ACYP2: variants seen among roughly 807,000 people sequenced by gnomAD.
ACYP2 encodes acylphosphatase 2.
A neutral mutation model predicts 11.2 loss-of-function variants in ACYP2; 12 were observed. That is an observed-to-expected ratio of 1.08 (90% CI 0.69 to 1.74). The LOEUF is 1.74. Ranked by LOEUF, ACYP2 falls within the 40% of genes most tolerant of loss-of-function variation. The pLI is 0.00. For synonymous variants in ACYP2, 43 were observed against 32.2 expected (o/e 1.33, Z -1.13); for missense variants, 134 against 101.9 (o/e 1.31, Z -1.35).
At chr2:53,999,462 A>G (rs1672708574) in intron 2 of ACYP2, among the ~76,000 whole-genome samples, 2 of 152,214 alleles carry the variant, frequency 1.3e-5, no homozygotes, top group Admixed American at 1.3e-4. Context: ...GAGGAACTTC[A>G]TGGGCTCTAT....
At chr2:54,143,568 G>T (rs961538783) in intron 6 of ACYP2, among the ~76,000 whole-genome samples, 14 of 151,948 alleles carry the variant, frequency 9.2e-5, no homozygotes, top group Admixed American at 6.6e-4. Flanking sequence ...CGAGTAGCTG[G>T]GATTACAGGC....
chr2:54,065,832 T>C (rs1299285270), intron 4 of ACYP2: 2 of 248,158 alleles, frequency 8.1e-6, no homozygotes, highest in Non-Finnish European at 1.5e-5. Flanking sequence ...GCTGAATAGA[T>C]TCTTGCCTAA....
At chr2:54,142,793 A>G (rs1029389535) in intron 6 of ACYP2, 1 of 152,226 alleles carries the variant, frequency 6.6e-6, no homozygotes, top group African/African-American at 2.4e-5. Flanking sequence ...CCATTTAAGA[A>G]CACACAGATG....
chr2:54,252,922 C>T lies in ACYP2; in HGVS notation c.405-51766C>T, dbSNP rs542770296. On this transcript the variant is annotated intron_variant, in intron 6 of 6. Transcript: ENST00000607452. ...CCGTCTCAAAAAAAAAAAAAATATG[C>T]CAATGGTATAATTCCAATTTCACAA... 3.9e-4 allele frequency among the ~76,000 whole-genome samples: 58 copies of T among 149,366 alleles called. No homozygotes were observed. The South Asian group carries it at 0.012, about 30-fold the overall frequency.
At chr2:54,116,426 A>T (rs1478896734) in intron 4 of ACYP2, among the ~76,000 whole-genome samples, 4 of 149,552 alleles carry the variant, frequency 2.7e-5, no homozygotes, top group Admixed American at 6.7e-5. Flanking sequence ...GGGAAATTTT[A>T]CTCATTTCTT....
intron 6 of ACYP2, among the ~76,000 whole-genome samples, chr2:54,244,955 A>G (rs1312738427): frequency 6.6e-6 from 1 of 152,158 alleles, no homozygotes; most frequent in Non-Finnish European, 1.5e-5. Context: ...TAGTCACCCT[A>G]TAGTGCTATA....
intron 4 of ACYP2, among the ~76,000 whole-genome samples, chr2:54,130,315 G>A (rs1192942146): frequency 1.3e-5 from 2 of 152,110 alleles, no homozygotes; most frequent in Admixed American, 6.6e-5. Flanking sequence ...AAGGCTAGGG[G>A]GCTTGGCATC....
chr2:54,054,603 G>A (rs1267474111), intron 3 of ACYP2, among the ~76,000 whole-genome samples: 1 of 152,180 alleles, frequency 6.6e-6, no homozygotes, highest in Non-Finnish European at 1.5e-5. Context: ...TAATTAAAGA[G>A]TGAAGCTGAG....
At chr2:54,053,678 C>A (rs1485347205) in intron 3 of ACYP2, among the ~76,000 whole-genome samples, 1 of 152,208 alleles carries the variant, frequency 6.6e-6, no homozygotes, top group Non-Finnish European at 1.5e-5. Flanking sequence ...TAGATTGTGA[C>A]CACACCTTCT....
chr2:54,046,856 A>T (rs529360008), intron 2 of ACYP2, among the ~76,000 whole-genome samples: 3 of 152,222 alleles, frequency 2.0e-5, no homozygotes, highest in Non-Finnish European at 4.4e-5. Context: ...CCTAATCAAA[A>T]GAGTGAACAT....
chr2:54,010,132 G>A (rs1360960465), intron 2 of ACYP2, among the ~76,000 whole-genome samples: 1 of 152,092 alleles, frequency 6.6e-6, no homozygotes, highest in African/African-American at 2.4e-5. Context: ...TGATATCCTA[G>A]GAAGGTGGAT....
chr2:54,239,122 G>A (rs1177946699), intron 6 of ACYP2, among the ~76,000 whole-genome samples: 1 of 152,140 alleles, frequency 6.6e-6, no homozygotes, highest in East Asian at 1.9e-4. Flanking sequence ...GGAATCCACA[G>A]TGTAGGTCAG....
intron 6 of ACYP2, among the ~76,000 whole-genome samples, chr2:54,272,666 G>C (rs983277473): frequency 6.6e-6 from 1 of 152,210 alleles, no homozygotes; most frequent in Non-Finnish European, 1.5e-5. Flanking sequence ...ATCCAATTTT[G>C]ACAGGCTGAC....
At chr2:53,995,485 A>ATTTTTTAT (rs1553350337) in intron 2 of ACYP2, among the ~76,000 whole-genome samples, 4 of 129,270 alleles carry the variant, frequency 3.1e-5, no homozygotes, top group Admixed American at 7.5e-5. Flanking sequence ...TTATTTATTT[A>ATTTTTTAT]TTTTTTATTT....
At chr2:54,168,175 A>AG (rs1683078433) in intron 6 of ACYP2, among the ~76,000 whole-genome samples, 1 of 152,204 alleles carries the variant, frequency 6.6e-6, no homozygotes, top group African/African-American at 2.4e-5. Flanking sequence ...CTGTAATCCC[A>AG]GCACTTTGGT....
At chr2:54,238,138 A>G (rs1572975835) in intron 6 of ACYP2, among the ~76,000 whole-genome samples, 1 of 152,156 alleles carries the variant, frequency 6.6e-6, no homozygotes, top group South Asian at 2.1e-4. Context: ...TTTATTCAAA[A>G]TTATCATCCA....
At chr2:54,200,062 A>G (rs1295078901) in intron 6 of ACYP2, among the ~76,000 whole-genome samples, 2 of 152,214 alleles carry the variant, frequency 1.3e-5, no homozygotes, top group Non-Finnish European at 2.9e-5. Context: ...GTTTTTATAG[A>G]AAGGATATCT....
chr2:54,043,210 G>A (rs972085461), intron 2 of ACYP2, among the ~76,000 whole-genome samples: 1 of 152,146 alleles, frequency 6.6e-6, no homozygotes, highest in African/African-American at 2.4e-5. Context: ...AGCCTGGGAG[G>A]ATGGCAAGTA....
chr2:54,156,746 A>G (rs1572866271), intron 6 of ACYP2, among the ~76,000 whole-genome samples: 1 of 151,822 alleles, frequency 6.6e-6, no homozygotes, highest in South Asian at 2.1e-4. Flanking sequence ...GCTCACTGCA[A>G]CCTCCACCTC....
Sources: gnomAD v4.1 joint callset for allele counts (sites outside exome capture counted in the v4.1 genomes callset) on GRCh38, gnomAD v4.1.1 for gene constraint, MANE v1.5 for transcripts, NCBI Gene and HGNC (gene_info 2026-07-23, HGNC 2026-07-21) for gene names.